GABRA3: variants seen among roughly 807,000 people sequenced by gnomAD.
GABRA3 encodes the protein gamma-aminobutyric acid type A receptor subunit alpha3, also known as gamma-aminobutyric acid receptor subunit alpha-3.
A neutral mutation model predicts 30.1 loss-of-function variants in GABRA3; 10 were observed. That is an observed-to-expected ratio of 0.33 (90% CI 0.20 to 0.56). The LOEUF is 0.56. Ranked by LOEUF, GABRA3 falls within the 20% of genes least tolerant of loss-of-function variation. The pLI, the probability that GABRA3 is intolerant of heterozygous loss-of-function variation, is 0.89. For missense variants in GABRA3, 233 were observed against 392.0 expected (o/e 0.59, Z 3.42); for synonymous variants, 151 against 146.8 (o/e 1.03, Z -0.21).
intron 1 of GABRA3, among the ~76,000 whole-genome samples, chrX:152,447,437 C>T (rs1180340702): frequency 9.0e-6 from 1 of 111,608 alleles, no homozygotes; most frequent in Non-Finnish European, 1.9e-5. Context: ...AATCCTGTTT[C>T]CCCAATGCAG....
rs139739177 is a variant in GABRA3, at chrX:152,329,058, G to A, written c.262+16523C>T. Among the ~76,000 whole-genome samples the A allele has an allele frequency of 2.2e-3, 235 of 109,261 alleles. 1 individual carries two copies. Among genetic ancestry groups the A allele is most frequent in the South Asian group, 3.8e-3 (10 of 2,623 alleles). The allele number at this position is 109,261 out of a possible 115,157, so 94.9% of individuals were successfully genotyped here. A position where few individuals can be genotyped will look rare whatever the true frequency, so the allele number is the denominator to read the frequency against. On this transcript the variant is annotated intron_variant, in intron 3 of 9. Coordinates refer to ENST00000370314, the MANE Select transcript of GABRA3 (RefSeq NM_000808.4). ...ACAGGCATTCCTATACACCAATAAC[G>A]GACAGAGAGCCACATCATGAGTGAA...
At chrX:152,242,618 T>C (rs1024273010) in intron 5 of GABRA3, among the ~76,000 whole-genome samples, 3 of 112,296 alleles carry the variant, frequency 2.7e-5, no homozygotes, top group Non-Finnish European at 5.6e-5. Context: ...GAATAAATGT[T>C]TGTCTTAGAT....
intron 8 of GABRA3, among the ~76,000 whole-genome samples, chrX:152,192,833 T>A (rs944123409): frequency 4.1e-4 from 46 of 111,936 alleles, no homozygotes; most frequent in Middle Eastern, 4.6e-3. Context: ...ATGAACCCTT[T>A]ATCGCAAACT....
chrX:152,356,939 C>T (rs1369702495), intron 2 of GABRA3, among the ~76,000 whole-genome samples: 2 of 111,958 alleles, frequency 1.8e-5, no homozygotes, highest in African/African-American at 3.2e-5. Flanking sequence ...TTTTTTATGA[C>T]TGCATAGTAT....
At chrX:152,256,274 T>A (rs1293416634) in intron 4 of GABRA3, among the ~76,000 whole-genome samples, 1 of 111,123 alleles carries the variant, frequency 9.0e-6, no homozygotes, top group Non-Finnish European at 1.9e-5. Context: ...TCATAAGACT[T>A]TGCCTTATGA....
At chrX:152,262,709 T>C (rs1001373901) in intron 4 of GABRA3, among the ~76,000 whole-genome samples, 1 of 111,623 alleles carries the variant, frequency 9.0e-6, no homozygotes, top group African/African-American at 3.3e-5. Flanking sequence ...GCCCTCTAAG[T>C]CTCTAGAAAG....
chrX:152,412,634 T>C (rs1930102061), intron 1 of GABRA3, among the ~76,000 whole-genome samples: 1 of 111,754 alleles, frequency 8.9e-6, no homozygotes. Flanking sequence ...TGATTCCATA[T>C]ATACAAAATA....
chrX:152,205,408 G>GA, intron 7 of GABRA3, among the ~76,000 whole-genome samples: 1 of 111,886 alleles, frequency 8.9e-6, no homozygotes, highest in East Asian at 2.8e-4. Context: ...AAATGCTATA[G>GA]GGAAAAGAAG....
rs754839335 is a variant in GABRA3 at position 152,197,774 on chromosome X, C to T, written c.790G>A (p.Val264Ile). The change falls in exon 8 of 10, where the codon GTC becomes ATC. Residue 264 changes from valine to isoleucine, a missense_variant. Coordinates refer to ENST00000370314, the MANE Select transcript of GABRA3 (RefSeq NM_000808.4). ...TTGAGATGGAAGTGGGTTGTCATGA[C>T]GACATATTCTCCTAAAGAGAGAGTA... ...IIRSSTGEYV[V>I]MTTHFHLKRK... is the part of the protein sequence containing the mutation. 10 of 1,206,727 alleles carry T rather than the reference C, an allele frequency of 8.3e-6. No homozygotes were observed. Among genetic ancestry groups the T allele is most frequent in the Non-Finnish European group, 6.7e-6 (6 of 891,876 alleles).
chrX:152,413,697 T>C (rs954784977), intron 1 of GABRA3, among the ~76,000 whole-genome samples: 2 of 111,171 alleles, frequency 1.8e-5, no homozygotes, highest in African/African-American at 6.5e-5. Flanking sequence ...AGCTGCATCA[T>C]AGTTCATGGT....
intron 5 of GABRA3, 117 bp downstream of exon 5, chrX:152,255,661 C>T (rs1393745781): frequency 5.2e-6 from 3 of 573,961 alleles, no homozygotes; most frequent in Non-Finnish European, 8.9e-6. Flanking sequence ...ATATACATAC[C>T]TGTACATTTC....
At position 152,435,933 on chromosome X, in the gene GABRA3, G is replaced by T. The variant is rs964446260; in HGVS notation, c.-27+15213C>A. On this transcript the variant is annotated intron_variant, in intron 1 of 9. Coordinates refer to ENST00000370314, the MANE Select transcript of GABRA3 (RefSeq NM_000808.4). The stretch of plus-strand genomic sequence containing the variant: ...TTACCATTTATAATAGCATCAAAAA[G>T]CATGTATTACTTAAGATAAATTTCA... Among the ~76,000 whole-genome samples the T allele has an allele frequency of 1.1e-4, 12 of 110,707 alleles. No individual in the cohort carries two copies. In the East Asian group the frequency reaches 2.6e-3, roughly 24 times the overall value.
chrX:152,329,870 T>C (rs1940133850), intron 3 of GABRA3, among the ~76,000 whole-genome samples: 1 of 111,491 alleles, frequency 9.0e-6, no homozygotes, highest in South Asian at 3.8e-4. Context: ...ACTAACGAGC[T>C]TCTGCACAGC....
At position 152,321,715 on chromosome X, in the gene GABRA3, G is replaced by A. The variant is rs770941063; in HGVS notation, c.262+23866C>T. ...TCCCTCTCCACCAATCAGTGATTTC[G>A]CAAATGTCCATGAACATTTCTCCGT... On this transcript the variant is annotated intron_variant, in intron 3 of 9. Coordinates refer to ENST00000370314, the MANE Select transcript of GABRA3 (RefSeq NM_000808.4). Among the ~76,000 whole-genome samples the A allele has an allele frequency of 7.2e-5, 8 of 111,247 alleles. No homozygotes were observed. The South Asian group carries it at 2.3e-3, about 32-fold the overall frequency.
chrX:152,217,206 G>A (rs777136172), intron 6 of GABRA3, among the ~76,000 whole-genome samples: 2 of 111,100 alleles, frequency 1.8e-5, no homozygotes, highest in Non-Finnish European at 3.8e-5. Context: ...TGAGATGATC[G>A]TGTGGTTTTT....
At chrX:152,422,920 G>C (rs1274932368) in intron 1 of GABRA3, among the ~76,000 whole-genome samples, 4 of 111,031 alleles carry the variant, frequency 3.6e-5, no homozygotes, top group African/African-American at 9.8e-5. Context: ...TAATAAATAT[G>C]TCTATTTAGA....
intron 1 of GABRA3, among the ~76,000 whole-genome samples, chrX:152,423,635 A>G (rs1044571007): frequency 8.9e-6 from 1 of 111,784 alleles, no homozygotes; most frequent in Non-Finnish European, 1.9e-5. Flanking sequence ...ATTTCTGTAC[A>G]CTTTAATTTT....
At chrX:152,230,191 T>G (rs1938040456) in intron 5 of GABRA3, among the ~76,000 whole-genome samples, 1 of 111,769 alleles carries the variant, frequency 8.9e-6, no homozygotes, top group African/African-American at 3.2e-5. Flanking sequence ...GTGAATATAT[T>G]AAAAATCATT....
chrX:152,424,054 G>T (rs956569828), intron 1 of GABRA3, among the ~76,000 whole-genome samples: 1 of 110,998 alleles, frequency 9.0e-6, no homozygotes, highest in Non-Finnish European at 1.9e-5. Flanking sequence ...ATTGTAATAA[G>T]AACAATTTTT....
Sources: allele counts gnomAD v4.1 joint callset (sites outside exome capture counted in the v4.1 genomes callset), GRCh38; gene constraint gnomAD v4.1.1; transcripts MANE v1.5; gene names NCBI Gene and HGNC (gene_info 2026-07-23, HGNC 2026-07-21).